The following SPAST variants were observed in gnomAD, a reference collection of about 807,000 sequenced individuals.
SPAST encodes spastic paraplegia 4 (autosomal dominant; spastin).
Under a neutral mutation model 76.6 loss-of-function variants are expected in SPAST, and 30 were observed. The ratio of observed to expected loss-of-function variants is 0.39; its 90% CI spans 0.29 to 0.53. The LOEUF (loss-of-function observed/expected upper bound fraction) is 0.53, where lower values mean the gene tolerates loss of function less well. Ranked by LOEUF, SPAST falls within the 20% of genes least tolerant of loss-of-function variation. The pLI, the probability that SPAST is intolerant of heterozygous loss-of-function variation, is 0.68. For synonymous variants in SPAST, 305 were observed against 281.0 expected (o/e 1.09, Z -0.86); for missense variants, 717 against 770.5 (o/e 0.93, Z 0.82).
chr2:32,082,505 T>C (rs1052962955), intron 1 of SPAST, among the ~76,000 whole-genome samples: 4 of 152,044 alleles, frequency 2.6e-5, no homozygotes, highest in African/African-American at 9.7e-5. Flanking sequence ...GAGACCAGCC[T>C]GACCAACATG....
chr2:32,107,574 C>T (rs866434552), intron 4 of SPAST, among the ~76,000 whole-genome samples: 6 of 152,056 alleles, frequency 3.9e-5, no homozygotes, highest in South Asian at 2.1e-4. Context: ...ACTTTTTGAG[C>T]GCTGACATGA....
intron 1 of SPAST, among the ~76,000 whole-genome samples, chr2:32,082,444 C>T (rs1677276226): frequency 6.6e-6 from 1 of 152,040 alleles, no homozygotes; most frequent in Non-Finnish European, 1.5e-5. Context: ...TGCCTGTTAT[C>T]CCAGCACTTT....
At chr2:32,089,921 G>T (rs1017374223) in intron 3 of SPAST, among the ~76,000 whole-genome samples, 1 of 151,992 alleles carries the variant, frequency 6.6e-6, no homozygotes, top group Non-Finnish European at 1.5e-5. Context: ...CCGCCACCAC[G>T]CCCCGCTAAT....
chr2:32,082,870 A>G (rs1314488477), intron 1 of SPAST, among the ~76,000 whole-genome samples: 2 of 152,174 alleles, frequency 1.3e-5, no homozygotes, highest in South Asian at 4.1e-4. Flanking sequence ...TTAATGCTGA[A>G]TAGTATTCCA....
intron 3 of SPAST, among the ~76,000 whole-genome samples, chr2:32,098,497 A>G (rs1448025560): frequency 1.3e-5 from 2 of 152,174 alleles, no homozygotes; most frequent in Non-Finnish European, 2.9e-5. Flanking sequence ...TGGACGTATT[A>G]GATATTCAGT....
intron 3 of SPAST, among the ~76,000 whole-genome samples, chr2:32,098,180 G>A (rs890403381): frequency 2.2e-4 from 34 of 151,694 alleles, no homozygotes; most frequent in Non-Finnish European, 4.1e-4. Context: ...TTTAATCTCC[G>A]TAGTGCCAGG....
chr2:32,092,571 AAAG>A (rs1179890948), intron 3 of SPAST, among the ~76,000 whole-genome samples: 15 of 152,232 alleles, frequency 9.9e-5, no homozygotes, highest in African/African-American at 3.6e-4. Context: ...GAGAGAACAA[AAAG>A]AAGATATGTA....
intron 4 of SPAST, among the ~76,000 whole-genome samples, chr2:32,109,391 G>C (rs1678446150): frequency 6.6e-6 from 1 of 152,068 alleles, no homozygotes; most frequent in Admixed American, 6.5e-5. Context: ...TTACAGGTGT[G>C]AGCCACCACG....
intron 4 of SPAST, among the ~76,000 whole-genome samples, chr2:32,104,064 C>T (rs895015684): frequency 1.3e-5 from 2 of 152,048 alleles, no homozygotes; most frequent in African/African-American, 4.8e-5. Context: ...TTGAAGTCTC[C>T]CAGTATTATT....
At chr2:32,083,659 A>G (rs1423827329) in intron 1 of SPAST, among the ~76,000 whole-genome samples, 1 of 49,766 alleles carries the variant, frequency 2.0e-5, no homozygotes, top group Non-Finnish European at 4.1e-5. Flanking sequence ...TGCCTACTAT[A>G]TATATATATA....
At chr2:32,071,250 T>A (rs1299375795) in intron 1 of SPAST, among the ~76,000 whole-genome samples, 1 of 152,182 alleles carries the variant, frequency 6.6e-6, no homozygotes, top group Non-Finnish European at 1.5e-5. Flanking sequence ...GAGATCAAGT[T>A]TCTCAGGATA....
At chr2:32,079,911 T>A (rs960559583) in intron 1 of SPAST, among the ~76,000 whole-genome samples, 1 of 152,186 alleles carries the variant, frequency 6.6e-6, no homozygotes, top group Admixed American at 6.6e-5. Context: ...TCTAAATATC[T>A]GTTTAAGTCC....
At chr2:32,147,104 A>G (rs1482779484) in intron 15 of SPAST, 114 bp from the exon 16 acceptor site, 1 of 699,834 alleles carries the variant, frequency 1.4e-6, no homozygotes, top group Non-Finnish European at 2.6e-6. Context: ...TTTTTTTAAT[A>G]TAATGATTTG....
chr2:32,124,035 A>G (rs1679109369), intron 7 of SPAST, among the ~76,000 whole-genome samples: 1 of 152,152 alleles, frequency 6.6e-6, no homozygotes, highest in Non-Finnish European at 1.5e-5. Flanking sequence ...AACTTTGTTT[A>G]AATTATAAAC....
rs1456885212 is a variant in SPAST at position 32,108,071 on chromosome 2, CTG to C, written c.683-6564_683-6563del. On this transcript the variant is annotated intron_variant, in intron 4 of 16. Coordinates refer to ENST00000315285, the MANE Select transcript of SPAST (RefSeq NM_014946.4). Reference sequence around the variant, plus strand: ...AAGAAAAAAAAGCAATCAGTAGAAACTGTGAGTGGGCCCAGATATTGGATTTA... The same window carrying C: ...AAGAAAAAAAAGCAATCAGTAGAAACTGAGTGGGCCCAGATATTGGATTTA... 3.9e-5 allele frequency among the ~76,000 whole-genome samples: 6 copies of C among 152,100 alleles called. No homozygotes were observed. The East Asian group carries it at 9.6e-4, about 24-fold the overall frequency.
chr2:32,108,416 C>G (rs1244055230), intron 4 of SPAST, among the ~76,000 whole-genome samples: 1 of 152,064 alleles, frequency 6.6e-6, no homozygotes, highest in Non-Finnish European at 1.5e-5. Context: ...GCTATTTTTT[C>G]TCTTACTTTC....
chr2:32,138,525 G>C (rs1679616208), intron 12 of SPAST, among the ~76,000 whole-genome samples: 1 of 152,060 alleles, frequency 6.6e-6, no homozygotes, highest in Admixed American at 6.6e-5. Context: ...TTTTTTAATA[G>C]GGTTGTGTGT....
At chr2:32,096,785 G>T (rs1245118819) in intron 3 of SPAST, among the ~76,000 whole-genome samples, 4 of 151,278 alleles carry the variant, frequency 2.6e-5, no homozygotes, top group Admixed American at 6.6e-5. Flanking sequence ...TGTATTTTTT[G>T]ATTTATGCTT....
chr2:32,139,721 C>T (rs951360538), intron 12 of SPAST, among the ~76,000 whole-genome samples: 6 of 151,276 alleles, frequency 4.0e-5, no homozygotes, highest in South Asian at 2.1e-4. Context: ...CCCATCTGCT[C>T]GGGAGGCTGA....
Sources: gnomAD v4.1 joint callset for allele counts (sites outside exome capture counted in the v4.1 genomes callset) on GRCh38, gnomAD v4.1.1 for gene constraint, MANE v1.5 for transcripts, NCBI Gene and HGNC (gene_info 2026-07-23, HGNC 2026-07-21) for gene names.